BICDL1: variants seen among roughly 807,000 people sequenced by gnomAD.
BICDL1 encodes the protein BICD family like cargo adaptor 1.
Under a neutral mutation model 76.8 loss-of-function variants are expected in BICDL1, and 20 were observed. The ratio of observed to expected loss-of-function variants is 0.26; its 90% CI spans 0.18 to 0.38. The LOEUF is 0.38. Among genes scored for constraint, BICDL1 ranks in the 10% least tolerant of loss-of-function variants. The pLI is 1.00. For missense variants in BICDL1, 700 were observed against 798.6 expected (o/e 0.88, Z 1.49); for synonymous variants, 383 against 337.1 (o/e 1.14, Z -1.49).
intron 2 of BICDL1, among the ~76,000 whole-genome samples, chr12:120,002,035 A>G (rs1039454889): frequency 6.6e-6 from 1 of 152,042 alleles, no homozygotes; most frequent in African/African-American, 2.4e-5. Flanking sequence ...TTGTCTCTTA[A>G]AAAAAAATTT....
At chr12:120,086,129 C>T (rs900878919) in intron 8 of BICDL1, among the ~76,000 whole-genome samples, 4 of 152,094 alleles carry the variant, frequency 2.6e-5, no homozygotes, top group African/African-American at 9.7e-5. Flanking sequence ...TCTGATTAGA[C>T]TTGCAAATTC....
chr12:119,995,768 C>G (rs1284229345), intron 1 of BICDL1, among the ~76,000 whole-genome samples: 1 of 152,058 alleles, frequency 6.6e-6, no homozygotes. Context: ...AAGCGGATCA[C>G]GAGGTCAGGA....
chr12:120,011,779 A>G (rs532459154), intron 2 of BICDL1, among the ~76,000 whole-genome samples: 2 of 143,244 alleles, frequency 1.4e-5, no homozygotes, highest in African/African-American at 2.6e-5. Context: ...TCATTCCCAT[A>G]AAGTCCAACA....
rs368196595 is a variant in BICDL1 at position 120,002,753 on chromosome 12, G to T, written c.645+4017G>T. On this transcript the variant is annotated intron_variant, in intron 2 of 9. Transcript: ENST00000548673. ...CTGTTTTATGAAGCTAGTAGGAGAAGATGTATAAATAAATGAACAATCCAC... is the reference window on the plus strand; with the variant it reads ...CTGTTTTATGAAGCTAGTAGGAGAATATGTATAAATAAATGAACAATCCAC... 2.6e-4 allele frequency among the ~76,000 whole-genome samples: 39 copies of T among 152,310 alleles called. No homozygotes were observed. In the East Asian group the frequency reaches 4.2e-3, roughly 17 times the overall value.
intron 2 of BICDL1, among the ~76,000 whole-genome samples, chr12:120,005,615 C>T (rs930933883): frequency 1.3e-5 from 2 of 152,204 alleles, no homozygotes; most frequent in African/African-American, 4.8e-5. Flanking sequence ...TCAGGTGATC[C>T]ACCTCGGCCT....
intron 7 of BICDL1, among the ~76,000 whole-genome samples, chr12:120,076,487 A>C (rs1298738400): frequency 1.3e-5 from 2 of 152,180 alleles, no homozygotes; most frequent in Admixed American, 1.3e-4. Flanking sequence ...TGCGGGGGGC[A>C]TTGTTTTATT....
At position 119,989,462 on chromosome 12, in the gene BICDL1, G is replaced by GGCAGCAGCAGCAGCAGCAGCA. The variant is rs746391690; in HGVS notation, c.-390_-389insAGCAGCAGCAGCAGCAGCAGC. Among the ~76,000 whole-genome samples, 14 of 147,072 alleles carry GGCAGCAGCAGCAGCAGCAGCA rather than the reference G, an allele frequency of 9.5e-5. No individual in the cohort carries two copies. The South Asian group carries it at 1.9e-3, about 20-fold the overall frequency. ...CGTGAGGCGCTGCCCGGCCGGCGGC[G>GGCAGCAGCAGCAGCAGCAGCA]GCAGCAGCAGCAGCAGCGGCAGCGG... On this transcript the variant is annotated 5_prime_UTR_variant, in exon 1 of 10. Transcript: ENST00000548673.
At chr12:119,996,585 C>G (rs1042986257) in intron 1 of BICDL1, among the ~76,000 whole-genome samples, 3 of 140,746 alleles carry the variant, frequency 2.1e-5, no homozygotes, top group African/African-American at 3.0e-5. Context: ...AGAGAAGATT[C>G]ATAGGTGCAT....
chr12:120,076,769 G>A (rs1407994655), intron 7 of BICDL1, among the ~76,000 whole-genome samples: 1 of 152,230 alleles, frequency 6.6e-6, no homozygotes, highest in East Asian at 1.9e-4. Context: ...CACCTCATGG[G>A]GAGTAACACT....
In BICDL1 at chr12:120,084,054, G is replaced by A. The variant is rs375715112; in HGVS notation, c.1583+3037G>A. ...AGTCTCACTCAGTCACCCAGGTGGA[G>A]TGCAGTGGCATGATCTTGGCTCACT... On this transcript the variant is annotated intron_variant, in intron 8 of 9. Transcript: ENST00000548673. Among the ~76,000 whole-genome samples the A allele has an allele frequency of 2.9e-3, 435 of 151,914 alleles. 7 individuals carry two copies. The highest frequency in any genetic ancestry group is 9.7e-3 in the African/African-American group (400 of 41,414).
chr12:119,998,857 C>A, intron 2 of BICDL1, 121 bp downstream of exon 2: 1 of 879,750 alleles, frequency 1.1e-6, no homozygotes, highest in Non-Finnish European at 1.7e-6. Flanking sequence ...GCACTTCAGA[C>A]CAATCTGGGC....
chr12:120,005,580 GC>G (rs1951834872), intron 2 of BICDL1, among the ~76,000 whole-genome samples: 1 of 152,102 alleles, frequency 6.6e-6, no homozygotes, highest in South Asian at 2.1e-4. Context: ...TGCCATGTTG[GC>G]AGGCTGGTCT....
At chr12:120,056,971 A>G in intron 2 of BICDL1, 1 of 455,270 alleles carries the variant, frequency 2.2e-6, no homozygotes, top group Non-Finnish European at 4.3e-6. Flanking sequence ...GCCCTGTGCC[A>G]AGCCCTGGGT....
chr12:120,055,962 GAT>G (rs1242396941), intron 2 of BICDL1, among the ~76,000 whole-genome samples: 5 of 152,184 alleles, frequency 3.3e-5, no homozygotes, highest in Non-Finnish European at 2.9e-5. Context: ...GGTGAACAAA[GAT>G]ATTTTTTGGA....
intron 8 of BICDL1, among the ~76,000 whole-genome samples, chr12:120,081,609 A>G (rs901596072): frequency 6.6e-6 from 1 of 151,690 alleles, no homozygotes; most frequent in African/African-American, 2.4e-5. Context: ...TTGGCCTCCC[A>G]AAGTGCTGAG....
intron 7 of BICDL1, among the ~76,000 whole-genome samples, chr12:120,077,246 A>G (rs1267643033): frequency 2.0e-5 from 3 of 152,202 alleles, no homozygotes; most frequent in African/African-American, 7.2e-5. Flanking sequence ...TATTTTTTAG[A>G]AGCAAAATCC....
intron 2 of BICDL1, chr12:120,018,779 C>G (rs1952117445): frequency 6.6e-6 from 1 of 152,092 alleles, no homozygotes; most frequent in Admixed American, 6.5e-5. Context: ...GGCGCGGTGG[C>G]TCACACATGT....
chr12:119,991,596 C>A (rs1951524702), intron 1 of BICDL1, among the ~76,000 whole-genome samples: 1 of 151,964 alleles, frequency 6.6e-6, no homozygotes. Flanking sequence ...AAGTAGAGGT[C>A]TAGAAATAAA....
intron 2 of BICDL1, among the ~76,000 whole-genome samples, chr12:120,034,996 G>C (rs924705825): frequency 6.6e-6 from 1 of 152,182 alleles, no homozygotes; most frequent in East Asian, 1.9e-4. Flanking sequence ...GCACAAAGAA[G>C]ATACTTAGAG....
Sources: gnomAD v4.1 joint callset for allele counts (sites outside exome capture counted in the v4.1 genomes callset) on GRCh38, gnomAD v4.1.1 for gene constraint, MANE v1.5 for transcripts, NCBI Gene and HGNC (gene_info 2026-07-23, HGNC 2026-07-21) for gene names.